Variants in FBN3 observed in about 807,000 individuals in gnomAD.
FBN3 encodes fibrillin 3.
FBN3 carries 234 observed loss-of-function variants against 330.1 expected under a neutral mutation model. The ratio of observed to expected loss-of-function variants is 0.71; its 90% confidence interval spans 0.64 to 0.79. The LOEUF (loss-of-function observed/expected upper bound fraction) is 0.79. FBN3 is among the 30% of genes least tolerant of loss of function. The pLI is 0.00. For synonymous variants in FBN3, 1,458 were observed against 1,517.3 expected, an observed-to-expected ratio of 0.96 and a Z score of 0.91; for missense variants, 3,606 against 3,886.9, an observed-to-expected ratio of 0.93 and a Z score of 1.92.
chr19:8,108,115 G>C lies in FBN3; in HGVS notation c.4687+55C>G, dbSNP rs2082488590. On this transcript the variant is annotated intron_variant, in intron 37 of 63. Coordinates refer to ENST00000600128, the MANE Select transcript of FBN3 (RefSeq NM_032447.5). Reference sequence around the variant, plus strand: ...CTACACTTTGGTGAGGTGGGGATGAGAGAAAAGTCAGTCTCTAGGCAGACA... The same window carrying C: ...CTACACTTTGGTGAGGTGGGGATGACAGAAAAGTCAGTCTCTAGGCAGACA... 5 of 1,524,572 alleles carry C rather than the reference G, an allele frequency of 3.3e-6. No homozygotes were observed. The South Asian group carries it at 5.7e-5, about 17-fold the overall frequency. 94.4% of individuals were successfully genotyped at this position (1,524,572 alleles called of 1,614,324 possible).
chr19:8,134,145 G>A (rs2083222323), intron 13 of FBN3, among the ~76,000 whole-genome samples: 1 of 151,970 alleles, frequency 6.6e-6, no homozygotes, highest in Non-Finnish European at 1.5e-5. Flanking sequence ...GGGAGGCTGA[G>A]GCAGGGGAAT....
intron 10 of FBN3, 141 bp from the exon 11 acceptor site, chr19:8,136,672 G>A (rs758209331): frequency 1.3e-5 from 15 of 1,118,092 alleles, no homozygotes; most frequent in Non-Finnish European, 1.5e-5. Flanking sequence ...TCTTTCTCAT[G>A]GAGAGTCCTG....
In FBN3 at chr19:8,110,844, C is replaced by A. The variant is rs567263701; in HGVS notation, c.4333+1G>T. On this transcript the variant is annotated splice_donor_variant, in intron 34 of 63. Transcript: ENST00000600128. LOFTEE classifies it high-confidence loss of function. ...CCCTTCCAGCCCAGATGACCTCACA[C>A]CTGTGCAGTTGCCACCCCCTCGGTC... 48 of 1,614,100 alleles carry A rather than the reference C, an allele frequency of 3.0e-5. No homozygotes were observed. Among genetic ancestry groups the A allele is most frequent in the Middle Eastern group, 1.6e-4 (1 of 6,084 alleles).
Position 8,124,018 on chromosome 19 carries a change from G to A in FBN3, c.2732-10C>T, listed in dbSNP as rs746856712. 4 of 1,608,674 alleles carry A rather than the reference G, an allele frequency of 2.5e-6. No individual in the cohort carries two copies. The African/African-American group carries it at 4.0e-5, about 16-fold the overall frequency. ...GGTTCCAATCTCACATCTGCACGGGGGACAGTCACTGCGTCCCCACCCCTG... is the reference window on the plus strand; with the variant it reads ...GGTTCCAATCTCACATCTGCACGGGAGACAGTCACTGCGTCCCCACCCCTG... On this transcript the variant is annotated splice_polypyrimidine_tract_variant and intron_variant, in intron 22 of 63. Transcript: ENST00000600128.
At chr19:8,112,248 A>C in intron 30 of FBN3, 149 bp from the exon 31 acceptor site, 1 of 748,310 alleles carries the variant, frequency 1.3e-6, no homozygotes, top group Non-Finnish European at 2.1e-6. Context: ...TTCCATCTTT[A>C]CCCAGAGCCC....
chr19:8,147,937 G>A (rs2083589648), intron 1 of FBN3, among the ~76,000 whole-genome samples: 7 of 152,098 alleles, frequency 4.6e-5, no homozygotes. Flanking sequence ...GTCCCGGGGG[G>A]GAAACAGGGT....
At position 8,121,482 on chromosome 19, in the gene FBN3, T is replaced by G; in HGVS notation, c.3083-96A>C. ...CCTGTCCTTTGATGGAGGTGTGGGC[T>G]AGAGGAAGCCCATCTGCAGACATAA... On this transcript the variant is annotated intron_variant, in intron 24 of 63. Transcript: ENST00000600128. The surrounding 1 kb of genome is among the most constrained non-coding windows in gnomAD (Gnocchi z 4.5). 1 of 1,285,016 alleles carries G rather than the reference T, an allele frequency of 7.8e-7. No individual in the cohort carries two copies. Among genetic ancestry groups the G allele is most frequent in the East Asian group, 2.6e-5 (1 of 37,908 alleles). The allele number at this position is 1,285,016 out of a possible 1,614,324, so 79.6% of individuals were successfully genotyped here. A position where few individuals can be genotyped will look rare whatever the true frequency, so the allele number is the denominator to read the frequency against.
Position 8,138,289 on chromosome 19 carries a change from C to T in FBN3, c.1053G>A (p.Pro351=), listed in dbSNP as rs766114122. Residue 351 remains proline (P), a synonymous_variant, in exon 10 of 64, where the codon CCG becomes CCA. Transcript: ENST00000600128. ...EFQQLCAQRL[P]LLPGHPGLFP... ...AGAGGCCAGGGTGGCCGGGTAGCAG[C>T]GGCAGCCGCTGGGCGCACAGTTGCT... The T allele has an allele frequency of 3.7e-6, 6 of 1,612,506 alleles. No homozygotes were observed. The highest frequency in any genetic ancestry group is 2.7e-5 in the African/African-American group (2 of 74,866).
intron 53 of FBN3, 83 bp from the exon 54 acceptor site, chr19:8,087,294 C>T: frequency 7.0e-7 from 1 of 1,435,618 alleles, no homozygotes. Flanking sequence ...TGCGTCAGCC[C>T]TGTGGGACCT....
At chr19:8,111,287 TC>T in intron 32 of FBN3, 104 bp from the exon 33 acceptor site, 1 of 1,405,074 alleles carries the variant, frequency 7.1e-7, no homozygotes, top group Non-Finnish European at 9.5e-7. Flanking sequence ...TCAGCCAGAG[TC>T]CCAGGCAAGT....
chr19:8,129,249 C>T lies in FBN3; in HGVS notation c.2161G>A (p.Asp721Asn). 1 of 1,614,074 alleles carries T rather than the reference C, an allele frequency of 6.2e-7. No homozygotes were observed. Among genetic ancestry groups the T allele is most frequent in the Non-Finnish European group, 8.5e-7 (1 of 1,180,010 alleles). ...LGYEAGASGKDCTDVDECALN... is the reference protein window; with the variant it reads ...LGYEAGASGKNCTDVDECALN... Reference sequence around the variant, plus strand: ...CAGGTGGCATGCTCACCTGTGCAGTCCTTGCCTGAGGCACCTGCCTCATAA... The same window carrying T: ...CAGGTGGCATGCTCACCTGTGCAGTTCTTGCCTGAGGCACCTGCCTCATAA... Residue 721 changes from aspartate to asparagine, a missense_variant, in exon 17 of 64, where the codon GAC becomes AAC. Asp to Asn is a conservative substitution (Grantham distance 23, BLOSUM62 1). Transcript: ENST00000600128. The surrounding 1 kb of genome is among the most constrained non-coding windows in gnomAD (Gnocchi z 4.5).
At chr19:8,130,640 G>GAAAGAA (rs2083119067) in intron 16 of FBN3, among the ~76,000 whole-genome samples, 1 of 31,506 alleles carries the variant, frequency 3.2e-5, no homozygotes, top group African/African-American at 2.2e-4. Flanking sequence ...AAGAAAGAAA[G>GAAAGAA]AAAGGAAAGG....
intron 61 of FBN3, among the ~76,000 whole-genome samples, chr19:8,074,345 C>A (rs913331958): frequency 6.6e-6 from 1 of 151,908 alleles, no homozygotes; most frequent in African/African-American, 2.4e-5. Context: ...AAAGACCCAC[C>A]ATGACAGACA....
chr19:8,118,752 T>C, intron 26 of FBN3, 145 bp downstream of exon 26: 2 of 992,126 alleles, frequency 2.0e-6, no homozygotes, highest in South Asian at 1.5e-5. Flanking sequence ...CACACACACT[T>C]GCACGCTCAC....
chr19:8,134,378 CTG>C (rs1176539752), intron 13 of FBN3, among the ~76,000 whole-genome samples: 3 of 152,180 alleles, frequency 2.0e-5, no homozygotes, highest in African/African-American at 7.2e-5. Context: ...GATCGACACA[CTG>C]TGGTCTATTC....
At chr19:8,103,477 T>C (rs1027067822) in intron 39 of FBN3, 85 bp downstream of exon 39, 17 of 1,418,270 alleles carry the variant, frequency 1.2e-5, no homozygotes, top group Non-Finnish European at 1.7e-5. Context: ...TCCCTCTCCA[T>C]AGGCTTGAAG....
intron 26 of FBN3, among the ~76,000 whole-genome samples, chr19:8,117,996 G>A (rs555936530): frequency 1.3e-5 from 2 of 151,388 alleles, no homozygotes; most frequent in Non-Finnish European, 2.9e-5. Flanking sequence ...ACACCCAGGG[G>A]CACACTCACA....
intron 13 of FBN3, 25 bp downstream of exon 13, chr19:8,135,936 G>GCCACCCCCCCCCCCCCCC: frequency 1.5e-6 from 1 of 668,778 alleles, no homozygotes; most frequent in South Asian, 1.6e-5. Flanking sequence ...GGAAGCCCCT[G>GCCACCCCCCCCCCCCCCC]CCCACCCGCC....
chr19:8,083,957 C>T (rs1353059775), intron 56 of FBN3, among the ~76,000 whole-genome samples: 9 of 152,010 alleles, frequency 5.9e-5, no homozygotes. Context: ...CACCTGCCAC[C>T]ACGCCCGGCT....
Sources: allele counts gnomAD v4.1 joint callset (sites outside exome capture counted in the v4.1 genomes callset), GRCh38; gene constraint gnomAD v4.1.1; non-coding constraint Gnocchi (gnomAD v3.1); transcripts MANE v1.5; gene names NCBI Gene and HGNC (gene_info 2026-07-23, HGNC 2026-07-21).